The following SH3BGRL2 variants were observed in gnomAD, a reference collection of about 807,000 sequenced individuals.
SH3BGRL2 encodes the protein SH3 domain-binding glutamic acid-rich-like protein 2.
Under a neutral mutation model 14.8 loss-of-function variants are expected in SH3BGRL2, and 21 were observed. The observed-to-expected ratio is 1.42, with a 90% CI of 1.01 to 2.05. The LOEUF is 2.05. Ranked by LOEUF, SH3BGRL2 falls within the 30% of genes most tolerant of loss-of-function variation. The pLI is 0.00. For missense variants in SH3BGRL2, 147 were observed against 130.8 expected (o/e 1.12, Z -0.61); for synonymous variants, 50 against 47.8 (o/e 1.05, Z -0.19).
chr6:79,564,851 C>T, the SH3BGRL2 span, among the ~76,000 whole-genome samples: 44 of 152,032 alleles, frequency 2.9e-4, no homozygotes, highest in African/African-American at 1.0e-3. Context: ...GATATCTGAC[C>T]CGTAATATTC....
chr6:79,635,646 G>A (rs1768907744), intron 1 of SH3BGRL2, among the ~76,000 whole-genome samples: 1 of 152,194 alleles, frequency 6.6e-6, no homozygotes, highest in South Asian at 2.1e-4. Flanking sequence ...ATGTTTCCAT[G>A]GGGCAGGGTG....
chr6:79,618,519 A>G, the SH3BGRL2 span, among the ~76,000 whole-genome samples: 36 of 152,178 alleles, frequency 2.4e-4, 1 homozygote, highest in African/African-American at 8.2e-4. Context: ...CAGCCTGGCC[A>G]ACATGGTGAA....
chr6:79,623,281 G>A, the SH3BGRL2 span, among the ~76,000 whole-genome samples: 4 of 146,580 alleles, frequency 2.7e-5, no homozygotes, highest in African/African-American at 7.6e-5. Flanking sequence ...TGGCCTGGGC[G>A]ATACAGTGAG....
In SH3BGRL2 at chr6:79,680,800, T is replaced by C. The variant is rs183125687; in HGVS notation, c.231+7001T>C. 9.9e-3 allele frequency among the ~76,000 whole-genome samples: 1,511 copies of C among 152,304 alleles called. 20 individuals carry two copies. Among genetic ancestry groups the C allele is most frequent in the South Asian group, 0.014 (69 of 4,828 alleles). ...TCTTTTACCACTTGGTTAGGTTTAT[T>C]CCTACTTTATTATTTTTGATGCTGT... On this transcript the variant is annotated intron_variant, in intron 2 of 3. Transcript: ENST00000369838.
At chr6:79,694,450 A>G (rs1198506029) in intron 2 of SH3BGRL2, among the ~76,000 whole-genome samples, 1 of 152,204 alleles carries the variant, frequency 6.6e-6, no homozygotes, top group Non-Finnish European at 1.5e-5. Context: ...TCAGTCCATG[A>G]GATTTTGCCT....
the SH3BGRL2 span, among the ~76,000 whole-genome samples, chr6:79,548,099 G>T: frequency 6.6e-6 from 1 of 151,996 alleles, no homozygotes; most frequent in African/African-American, 2.4e-5. Context: ...AAACTCTTAA[G>T]CTCAAGCTAT....
At chr6:79,564,832 T>G in the SH3BGRL2 span, among the ~76,000 whole-genome samples, 1 of 152,176 alleles carries the variant, frequency 6.6e-6, no homozygotes, top group East Asian at 1.9e-4. Flanking sequence ...AAAGGTGAAC[T>G]TTCTCTTTGA....
chr6:79,647,605 T>C (rs1462041252), intron 1 of SH3BGRL2, among the ~76,000 whole-genome samples: 1 of 152,090 alleles, frequency 6.6e-6, no homozygotes, highest in Non-Finnish European at 1.5e-5. Flanking sequence ...CAGGCTCATA[T>C]GGAATATAAT....
the SH3BGRL2 span, among the ~76,000 whole-genome samples, chr6:79,558,495 A>G: frequency 6.6e-6 from 1 of 152,214 alleles, no homozygotes; most frequent in African/African-American, 2.4e-5. Context: ...ACATTTAAAC[A>G]ACAGAATACA....
chr6:79,539,590 G>A, the SH3BGRL2 span, among the ~76,000 whole-genome samples: 2 of 152,194 alleles, frequency 1.3e-5, no homozygotes, highest in Admixed American at 1.3e-4. Context: ...TTCATTTTCT[G>A]TAGGACTTTG....
At chr6:79,648,054 T>A (rs1340753122) in intron 1 of SH3BGRL2, among the ~76,000 whole-genome samples, 3 of 151,470 alleles carry the variant, frequency 2.0e-5, no homozygotes, top group African/African-American at 7.3e-5. Context: ...ATAATTCACC[T>A]TTGAGTTCTT....
the SH3BGRL2 span, among the ~76,000 whole-genome samples, chr6:79,568,917 T>C: frequency 4.6e-5 from 7 of 152,276 alleles, no homozygotes; most frequent in South Asian, 1.5e-3. Context: ...ATGCATAATA[T>C]GTGTCAATGG....
At chr6:79,636,702 T>C (rs1449342016) in intron 1 of SH3BGRL2, among the ~76,000 whole-genome samples, 1 of 152,174 alleles carries the variant, frequency 6.6e-6, no homozygotes, top group Non-Finnish European at 1.5e-5. Flanking sequence ...TTTCCATGTC[T>C]TTCTCCTAGT....
chr6:79,673,581 G>A (rs373832978), intron 1 of SH3BGRL2, 33 bp from the exon 2 acceptor site: 86 of 1,599,050 alleles, frequency 5.4e-5, no homozygotes, highest in South Asian at 5.2e-4. Context: ...TCAGATAAGC[G>A]TATCTACTTA....
chr6:79,619,754 G>T, the SH3BGRL2 span, among the ~76,000 whole-genome samples: 1 of 152,172 alleles, frequency 6.6e-6, no homozygotes. Flanking sequence ...ATGAGGGGAG[G>T]TGTGTGGCTT....
intron 1 of SH3BGRL2, among the ~76,000 whole-genome samples, chr6:79,652,191 A>G (rs888336427): frequency 1.3e-5 from 2 of 152,166 alleles, no homozygotes; most frequent in African/African-American, 4.8e-5. Context: ...TTAGTGGAGA[A>G]GAACCTTTAA....
chr6:79,682,364 G>A (rs920376256), intron 2 of SH3BGRL2, among the ~76,000 whole-genome samples: 3 of 152,120 alleles, frequency 2.0e-5, no homozygotes, highest in African/African-American at 7.2e-5. Context: ...TCCCAATAAT[G>A]GGATTAGGTT....
intron 1 of SH3BGRL2, among the ~76,000 whole-genome samples, chr6:79,641,475 T>C (rs1220573118): frequency 6.6e-6 from 1 of 152,182 alleles, no homozygotes; most frequent in Admixed American, 6.5e-5. Context: ...CAATCTATCA[T>C]TAGAGAACAG....
At chr6:79,540,399 C>T in the SH3BGRL2 span, among the ~76,000 whole-genome samples, 2 of 152,010 alleles carry the variant, frequency 1.3e-5, no homozygotes, top group Non-Finnish European at 2.9e-5. Context: ...CGCGCCACTG[C>T]ACTCCAGCCT....
Sources: allele counts gnomAD v4.1 joint callset (sites outside exome capture counted in the v4.1 genomes callset), GRCh38; gene constraint gnomAD v4.1.1; transcripts MANE v1.5; gene names NCBI Gene and HGNC (gene_info 2026-07-23, HGNC 2026-07-21).